The following TMPRSS15 variants were observed in gnomAD, a reference collection of about 807,000 sequenced individuals.
TMPRSS15 encodes enteropeptidase.
TMPRSS15 carries 128 observed loss-of-function variants against 125.3 expected under a neutral mutation model. The ratio of observed to expected loss-of-function variants is 1.02; its 90% CI spans 0.89 to 1.18. TMPRSS15 has a LOEUF of 1.18. Ranked by LOEUF, TMPRSS15 falls within the 50% of genes most tolerant of loss-of-function variation. The pLI, the probability that TMPRSS15 is intolerant of heterozygous loss-of-function variation, is 0.00. For missense variants in TMPRSS15, 1,283 were observed against 1,212.7 expected, an observed-to-expected ratio of 1.06 and a Z score of -0.86; for synonymous variants, 446 against 423.2, an observed-to-expected ratio of 1.05 and a Z score of -0.66.
chr21:18,336,894 CT>C (rs1364369927), intron 13 of TMPRSS15, among the ~76,000 whole-genome samples: 1 of 7,984 alleles, frequency 1.3e-4, no homozygotes, highest in Non-Finnish European at 8.3e-3. Flanking sequence ...CCAAAACACA[CT>C]GATCAACTAA....
At chr21:18,418,195 T>C (rs1852427305) in intron 1 of TMPRSS15, among the ~76,000 whole-genome samples, 1 of 152,224 alleles carries the variant, frequency 6.6e-6, no homozygotes, top group Non-Finnish European at 1.5e-5. Context: ...TTAGATACTT[T>C]AATGCTTGCT....
intron 10 of TMPRSS15, among the ~76,000 whole-genome samples, chr21:18,348,659 G>A (rs1363868207): frequency 6.6e-6 from 1 of 152,086 alleles, no homozygotes; most frequent in Non-Finnish European, 1.5e-5. Flanking sequence ...AAACATTAAA[G>A]TTACACTTAT....
intron 1 of TMPRSS15, among the ~76,000 whole-genome samples, chr21:18,421,036 G>A (rs2076191096): frequency 6.7e-6 from 1 of 149,016 alleles, no homozygotes; most frequent in African/African-American, 2.6e-5. Flanking sequence ...AAAAGGGAGA[G>A]CTTGGAGAAA....
intron 1 of TMPRSS15, among the ~76,000 whole-genome samples, chr21:18,452,108 T>C (rs2824838): frequency 0.44 from 67,150 of 151,906 alleles, 16,083 homozygotes; most frequent in East Asian, 0.91. Flanking sequence ...ATTGTGTTCT[T>C]GGGGAGATAT....
chr21:18,413,506 C>G (rs536405904), intron 1 of TMPRSS15, among the ~76,000 whole-genome samples: 1 of 150,956 alleles, frequency 6.6e-6, no homozygotes, highest in Non-Finnish European at 1.5e-5. Flanking sequence ...CTACCTCCAC[C>G]TTCCAGGTTC....
Position 18,329,153 on chromosome 21 carries a change from C to A in TMPRSS15, c.1780+16G>T. 1 of 1,611,774 alleles carries A rather than the reference C, an allele frequency of 6.2e-7. No individual in the cohort carries two copies. The highest frequency in any genetic ancestry group is 1.1e-5 in the South Asian group (1 of 91,012). On this transcript the variant is annotated intron_variant, in intron 15 of 24. Transcript: ENST00000284885. ...TGAGCTTTACAACCTTTACAATATT[C>A]AGATTGCAGACTTACCTAAGAGCAA...
intron 1 of TMPRSS15, among the ~76,000 whole-genome samples, chr21:18,453,569 C>T (rs145301625): frequency 1.3e-3 from 195 of 152,176 alleles, no homozygotes; most frequent in African/African-American, 4.4e-3. Context: ...GATTTAGAGA[C>T]GAGCTTATTT....
chr21:18,361,591 G>A (rs1388896017), intron 7 of TMPRSS15, among the ~76,000 whole-genome samples: 1 of 152,138 alleles, frequency 6.6e-6, no homozygotes, highest in Non-Finnish European at 1.5e-5. Flanking sequence ...TGGCCAATAA[G>A]GCAATCAAGG....
In TMPRSS15 at chr21:18,269,941, G is replaced by A. The variant is rs774703212; in HGVS notation, c.*28C>T. On this transcript the variant is annotated 3_prime_UTR_variant, in exon 25 of 25. Coordinates refer to ENST00000284885, the MANE Select transcript of TMPRSS15 (RefSeq NM_002772.3). ...CTAGAGTAGAATGGGAAAATAATGCGACTTTCCTGTTTAGTTTAAGAAATG... is the reference window on the plus strand; with the variant it reads ...CTAGAGTAGAATGGGAAAATAATGCAACTTTCCTGTTTAGTTTAAGAAATG... 3.1e-6 allele frequency: 5 copies of A among 1,612,188 alleles called. No homozygotes were observed. The highest frequency in any genetic ancestry group is 4.2e-6 in the Non-Finnish European group (5 of 1,178,754).
intron 1 of TMPRSS15, among the ~76,000 whole-genome samples, chr21:18,427,474 T>G (rs952614315): frequency 2.6e-5 from 4 of 152,226 alleles, no homozygotes; most frequent in African/African-American, 9.6e-5. Context: ...GCATGTAAAC[T>G]CTCCTTTTGG....
chr21:18,284,223 C>T (rs1196591735), intron 21 of TMPRSS15, among the ~76,000 whole-genome samples: 1 of 152,144 alleles, frequency 6.6e-6, no homozygotes, highest in Non-Finnish European at 1.5e-5. Context: ...ACTTAACTTC[C>T]CCACCACAAA....
At chr21:18,367,188 A>T (rs755889175) in intron 6 of TMPRSS15, among the ~76,000 whole-genome samples, 3 of 152,154 alleles carry the variant, frequency 2.0e-5, no homozygotes, top group Non-Finnish European at 4.4e-5. Flanking sequence ...AAAAGAAAAG[A>T]TAACAAGTCA....
intron 24 of TMPRSS15, among the ~76,000 whole-genome samples, chr21:18,271,317 C>CTGTT (rs963272918): frequency 4.6e-5 from 7 of 152,290 alleles, no homozygotes; most frequent in Admixed American, 1.3e-4. Flanking sequence ...TAAACTTCAG[C>CTGTT]TGTTTGGATA....
At chr21:18,397,797 A>T in intron 3 of TMPRSS15, 82 bp downstream of exon 3, 1 of 757,014 alleles carries the variant, frequency 1.3e-6, no homozygotes, top group Non-Finnish European at 2.2e-6. Context: ...CTCTTTTCCT[A>T]TATATAGTGA....
rs1342092783 is a variant in TMPRSS15 at position 18,359,671 on chromosome 21, C to T, written c.880+86G>A. The T allele has an allele frequency of 4.6e-6, 3 of 658,748 alleles. No individual in the cohort carries two copies. In the African/African-American group the frequency reaches 5.5e-5, roughly 12 times the overall value. The allele number at this position is 658,748 out of a possible 1,614,324, so 40.8% of individuals were successfully genotyped here. A position where few individuals can be genotyped will look rare whatever the true frequency, so the allele number is the denominator to read the frequency against. On this transcript the variant is annotated intron_variant, in intron 8 of 24. Transcript: ENST00000284885. ...ATAAGTTTCAAGTCCATATTCACTTCAAAATCAAAGGGAAAACATACCACT... is the reference window on the plus strand; with the variant it reads ...ATAAGTTTCAAGTCCATATTCACTTTAAAATCAAAGGGAAAACATACCACT...
intron 1 of TMPRSS15, chr21:18,477,334 T>A (rs1439855185): frequency 6.6e-6 from 1 of 152,164 alleles, no homozygotes; most frequent in African/African-American, 2.4e-5. Flanking sequence ...TAATCATACA[T>A]TTCAGAATTC....
At chr21:18,354,008 T>C in intron 8 of TMPRSS15, 145 bp from the exon 9 acceptor site, 1 of 687,740 alleles carries the variant, frequency 1.5e-6, no homozygotes, top group East Asian at 2.7e-5. Flanking sequence ...ACTAAAAGCA[T>C]TAGTCTTACA....
intron 6 of TMPRSS15, 76 bp downstream of exon 6, chr21:18,372,117 T>TGTGTGA: frequency 8.1e-7 from 1 of 1,229,524 alleles, no homozygotes; most frequent in Non-Finnish European, 1.2e-6. Flanking sequence ...TGTGTGTGTG[T>TGTGTGA]GTGTGTGTGT....
At chr21:18,435,833 T>A (rs1432021682) in intron 1 of TMPRSS15, among the ~76,000 whole-genome samples, 1 of 152,206 alleles carries the variant, frequency 6.6e-6, no homozygotes, top group East Asian at 1.9e-4. Context: ...TATTCAGAGA[T>A]TCGACTTCTT....
Sources: gnomAD v4.1 joint callset for allele counts (sites outside exome capture counted in the v4.1 genomes callset) on GRCh38, gnomAD v4.1.1 for gene constraint, MANE v1.5 for transcripts, NCBI Gene and HGNC (gene_info 2026-07-23, HGNC 2026-07-21) for gene names.